FAM193A: variants seen among roughly 807,000 people sequenced by gnomAD.
FAM193A encodes protein FAM193A.
A neutral mutation model predicts 126.5 loss-of-function variants in FAM193A; 22 were observed. The ratio of observed to expected loss-of-function variants is 0.17; its 90% CI spans 0.12 to 0.25. The LOEUF (loss-of-function observed/expected upper bound fraction) is 0.25. FAM193A is among the 10% of genes least tolerant of loss of function. The pLI, the probability that FAM193A is intolerant of heterozygous loss-of-function variation, is 1.00. For synonymous variants in FAM193A, 761 were observed against 646.8 expected, an observed-to-expected ratio of 1.18 and a Z score of -2.68; for missense variants, 1,675 against 1,672.8, an observed-to-expected ratio of 1.00 and a Z score of -0.02.
At chr4:2,556,269 G>A (rs547775276) in intron 1 of FAM193A, among the ~76,000 whole-genome samples, 2 of 151,444 alleles carry the variant, frequency 1.3e-5, no homozygotes, top group South Asian at 2.1e-4. Context: ...GCAGTGACGC[G>A]ATCTCGGCTC....
intron 2 of FAM193A, among the ~76,000 whole-genome samples, chr4:2,603,420 G>C (rs1389120763): frequency 6.6e-6 from 1 of 150,738 alleles, no homozygotes; most frequent in Non-Finnish European, 1.5e-5. Context: ...TAGTAGCTGG[G>C]ATTACAGGTA....
intron 1 of FAM193A, among the ~76,000 whole-genome samples, chr4:2,580,495 A>G (rs1297490394): frequency 6.6e-6 from 1 of 152,088 alleles, no homozygotes; most frequent in Non-Finnish European, 1.5e-5. Context: ...ATAAAAGGAA[A>G]TGTGACCCCC....
intron 13 of FAM193A, among the ~76,000 whole-genome samples, chr4:2,676,763 A>G (rs1714449814): frequency 6.6e-6 from 1 of 152,160 alleles, no homozygotes; most frequent in Admixed American, 6.5e-5. Context: ...TAACACAGTG[A>G]AACCCCGTCT....
At chr4:2,565,405 G>A (rs989815146) in intron 1 of FAM193A, among the ~76,000 whole-genome samples, 4 of 151,754 alleles carry the variant, frequency 2.6e-5, no homozygotes, top group East Asian at 3.9e-4. Flanking sequence ...GACTACAGGC[G>A]TCCACCACCA....
intron 1 of FAM193A, among the ~76,000 whole-genome samples, chr4:2,553,495 C>T (rs971853151): frequency 2.6e-5 from 4 of 151,378 alleles, no homozygotes; most frequent in Non-Finnish European, 5.9e-5. Flanking sequence ...ATTCTCCTGC[C>T]TCAGCCCCCT....
chr4:2,693,176 G>A (rs564190490), intron 15 of FAM193A, among the ~76,000 whole-genome samples: 9 of 152,144 alleles, frequency 5.9e-5, no homozygotes, highest in Admixed American at 3.9e-4. Flanking sequence ...GTGCCACCAC[G>A]CCCAGCTAAT....
intron 13 of FAM193A, among the ~76,000 whole-genome samples, chr4:2,681,036 C>A (rs746383084): frequency 2.0e-5 from 3 of 152,190 alleles, no homozygotes; most frequent in Non-Finnish European, 4.4e-5. Flanking sequence ...GTTGCCCAGG[C>A]TGGAGTGCAG....
At chr4:2,630,128 T>G (rs1195706234) in intron 4 of FAM193A, among the ~76,000 whole-genome samples, 1 of 141,642 alleles carries the variant, frequency 7.1e-6, no homozygotes, top group African/African-American at 2.8e-5. Context: ...TGAGACTCCA[T>G]CTCAAAAAAA....
At chr4:2,730,562 T>C (rs1294962525) in intron 20 of FAM193A, among the ~76,000 whole-genome samples, 2 of 151,822 alleles carry the variant, frequency 1.3e-5, no homozygotes, top group African/African-American at 4.8e-5. Context: ...TGGTGATAGG[T>C]GCCTGTAGTC....
At chr4:2,678,967 G>A (rs1560557749) in intron 13 of FAM193A, among the ~76,000 whole-genome samples, 1 of 152,214 alleles carries the variant, frequency 6.6e-6, no homozygotes, top group Non-Finnish European at 1.5e-5. Flanking sequence ...GTGTTGAAGA[G>A]AAGTGATGAA....
chr4:2,693,060 T>C (rs2109276040), intron 15 of FAM193A, among the ~76,000 whole-genome samples: 1 of 152,190 alleles, frequency 6.6e-6, no homozygotes, highest in East Asian at 1.9e-4. Context: ...ATTTTTTTTT[T>C]TTCTTTGAGA....
At chr4:2,682,881 T>G (rs1426841030) in intron 13 of FAM193A, among the ~76,000 whole-genome samples, 4 of 152,202 alleles carry the variant, frequency 2.6e-5, no homozygotes, top group African/African-American at 9.7e-5. Context: ...ACAGTTATCT[T>G]TTAGATGAAT....
intron 2 of FAM193A, among the ~76,000 whole-genome samples, chr4:2,612,552 T>G (rs1741943857): frequency 6.6e-6 from 1 of 152,170 alleles, no homozygotes; most frequent in African/African-American, 2.4e-5. Context: ...TTTTCTGTCT[T>G]AATAGTTTTA....
chr4:2,577,479 C>T (rs1452099174), intron 1 of FAM193A, among the ~76,000 whole-genome samples: 2 of 139,162 alleles, frequency 1.4e-5, no homozygotes, highest in African/African-American at 5.3e-5. Context: ...AGTGCACTGG[C>T]ACGATCTCAG....
chr4:2,644,227 C>A (rs79019937), intron 6 of FAM193A, among the ~76,000 whole-genome samples: 3 of 152,128 alleles, frequency 2.0e-5, no homozygotes, highest in Admixed American at 2.0e-4. Flanking sequence ...CCCTCCCCCA[C>A]CCACTTTGCT....
At chr4:2,566,953 T>C (rs1333078767) in intron 1 of FAM193A, among the ~76,000 whole-genome samples, 5 of 151,364 alleles carry the variant, frequency 3.3e-5, no homozygotes, top group Non-Finnish European at 5.9e-5. Flanking sequence ...TTTTTTTTTT[T>C]TTTTGAGACG....
intron 2 of FAM193A, among the ~76,000 whole-genome samples, chr4:2,611,241 A>G (rs1741853861): frequency 6.6e-6 from 1 of 151,832 alleles, no homozygotes; most frequent in Non-Finnish European, 1.5e-5. Flanking sequence ...ATCCTTCATT[A>G]TGGTTTTAAT....
intron 2 of FAM193A, among the ~76,000 whole-genome samples, chr4:2,616,478 C>T (rs1297446501): frequency 2.0e-5 from 3 of 152,074 alleles, no homozygotes; most frequent in African/African-American, 7.2e-5. Flanking sequence ...AATTAGTGAT[C>T]TGTTTGGGTT....
intron 4 of FAM193A, among the ~76,000 whole-genome samples, chr4:2,626,962 A>G (rs1015326841): frequency 6.6e-6 from 1 of 151,998 alleles, no homozygotes; most frequent in African/African-American, 2.4e-5. Context: ...TATGAAGTGA[A>G]AAAATGGGGG....
Sources: allele counts gnomAD v4.1 joint callset (sites outside exome capture counted in the v4.1 genomes callset), GRCh38; gene constraint gnomAD v4.1.1; transcripts MANE v1.5; gene names NCBI Gene and HGNC (gene_info 2026-07-23, HGNC 2026-07-21).